Variants in CNTLN observed in about 807,000 individuals in gnomAD.
CNTLN encodes centlein, centrosomal protein.
In CNTLN, 212 loss-of-function variants were observed where a neutral mutation model predicts 180.0. That is an observed-to-expected ratio of 1.18 (90% CI 1.05 to 1.32). CNTLN has a LOEUF of 1.32. Ranked by LOEUF, CNTLN falls within the 40% of genes most tolerant of loss-of-function variation. The pLI, the probability that CNTLN is intolerant of heterozygous loss-of-function variation, is 0.00. For synonymous variants in CNTLN, 722 were observed against 563.1 expected, an observed-to-expected ratio of 1.28 and a Z score of -3.99; for missense variants, 2,095 against 1,610.9, an observed-to-expected ratio of 1.30 and a Z score of -5.14.
In CNTLN at chr9:17,295,995, AGAGTGTGTGTGTGT is replaced by A. The variant is rs1212022056; in HGVS notation, c.984-2193_984-2180del. 6.1e-4 allele frequency among the ~76,000 whole-genome samples: 52 copies of A among 84,972 alleles called. No individual in the cohort carries two copies. The East Asian group carries it at 7.9e-3, about 13-fold the overall frequency. 55.7% of individuals were successfully genotyped at this position (84,972 alleles called of 152,430 possible). A position where few individuals can be genotyped will look rare whatever the true frequency, so the allele number is the denominator to read the frequency against. On this transcript the variant is annotated intron_variant, in intron 6 of 25. Coordinates refer to ENST00000380647, the MANE Select transcript of CNTLN (RefSeq NM_017738.4). The stretch of plus-strand genomic sequence containing the variant: ...GAGAGAGAGAGAGAGAGAGAGAGAG[AGAGTGTGTGTGTGT>A]GTGTGTGTGTGTGTGTGTGTGTGTG...
At chr9:17,520,368 AG>A in the CNTLN span, among the ~76,000 whole-genome samples, 5 of 152,212 alleles carry the variant, frequency 3.3e-5, no homozygotes, top group Admixed American at 1.3e-4. Context: ...GCTGAACAGC[AG>A]GTAGAGGATC....
chr9:17,298,504 T>A, intron 7 of CNTLN, 152 bp downstream of exon 7: 1 of 1,327,788 alleles, frequency 7.5e-7, no homozygotes, highest in Non-Finnish European at 9.7e-7. Context: ...TGGTTCAATT[T>A]GATAACATTT....
chr9:17,155,372 C>CTGGAAT (rs1819202112), intron 2 of CNTLN, among the ~76,000 whole-genome samples: 1 of 152,134 alleles, frequency 6.6e-6, no homozygotes, highest in Non-Finnish European at 1.5e-5. Context: ...CTGGGAGGTC[C>CTGGAAT]GCTGCTCTCT....
chr9:17,187,657 A>G (rs1382707623), intron 2 of CNTLN, among the ~76,000 whole-genome samples: 2 of 151,552 alleles, frequency 1.3e-5, no homozygotes, highest in Non-Finnish European at 3.0e-5. Context: ...TGAAAACTTT[A>G]TTTTTCAATG....
At chr9:17,247,883 G>C (rs1483114606) in intron 5 of CNTLN, among the ~76,000 whole-genome samples, 1 of 145,422 alleles carries the variant, frequency 6.9e-6, no homozygotes, top group Non-Finnish European at 1.5e-5. Flanking sequence ...CCAGGCTAGA[G>C]TGTGGTGGGA....
intron 12 of CNTLN, among the ~76,000 whole-genome samples, chr9:17,354,429 A>G (rs1010797312): frequency 6.6e-6 from 1 of 151,962 alleles, no homozygotes; most frequent in African/African-American, 2.4e-5. Context: ...GAGGACCTTT[A>G]TGTCTAGCTC....
intron 13 of CNTLN, among the ~76,000 whole-genome samples, chr9:17,386,679 C>A (rs1271753102): frequency 6.6e-6 from 1 of 152,200 alleles, no homozygotes; most frequent in Non-Finnish European, 1.5e-5. Context: ...GTTAGCCAAT[C>A]TACCAGTGGA....
chr9:17,522,240 C>A, the CNTLN span, among the ~76,000 whole-genome samples: 1 of 152,150 alleles, frequency 6.6e-6, no homozygotes, highest in African/African-American at 2.4e-5. Context: ...TGTCAGTTGC[C>A]TTCCCTCCAT....
intron 6 of CNTLN, among the ~76,000 whole-genome samples, chr9:17,274,689 A>C (rs2064794747): frequency 4.6e-5 from 7 of 152,124 alleles, no homozygotes; most frequent in Admixed American, 4.6e-4. Context: ...CTAAGTGATA[A>C]ATAAATGATG....
chr9:17,136,321 ACAGTATCAT>A (rs1817713043), intron 1 of CNTLN, among the ~76,000 whole-genome samples: 1 of 152,170 alleles, frequency 6.6e-6, no homozygotes, highest in Non-Finnish European at 1.5e-5. Flanking sequence ...AACTTTGTGA[ACAGTATCAT>A]CAGTTTAATA....
chr9:17,517,097 G>C, the CNTLN span, among the ~76,000 whole-genome samples: 1 of 151,992 alleles, frequency 6.6e-6, no homozygotes, highest in African/African-American at 2.4e-5. Context: ...ATCTCATTTG[G>C]AAATAAGGTC....
At chr9:17,463,627 A>G (rs1831579673) in intron 20 of CNTLN, among the ~76,000 whole-genome samples, 1 of 151,644 alleles carries the variant, frequency 6.6e-6, no homozygotes, top group South Asian at 2.1e-4. Context: ...TTATAAGTGA[A>G]GAGCACTTAA....
At chr9:17,335,688 A>C (rs1317799105) in intron 10 of CNTLN, among the ~76,000 whole-genome samples, 2 of 152,124 alleles carry the variant, frequency 1.3e-5, no homozygotes, top group Non-Finnish European at 2.9e-5. Flanking sequence ...CTGTAATTGT[A>C]GCACTTTGGG....
chr9:17,273,503 C>G (rs907845136), intron 5 of CNTLN, among the ~76,000 whole-genome samples: 4 of 151,816 alleles, frequency 2.6e-5, no homozygotes, highest in Non-Finnish European at 5.9e-5. Context: ...AGTTTATTTG[C>G]TTCAGATTCT....
intron 13 of CNTLN, among the ~76,000 whole-genome samples, chr9:17,376,336 T>C (rs1460783259): frequency 6.6e-6 from 1 of 152,020 alleles, no homozygotes; most frequent in Non-Finnish European, 1.5e-5. Flanking sequence ...ATTCGAGCAG[T>C]AAGAAAGAAA....
At chr9:17,456,922 A>G (rs767871345) in intron 18 of CNTLN, among the ~76,000 whole-genome samples, 34 of 152,164 alleles carry the variant, frequency 2.2e-4, no homozygotes, top group Admixed American at 7.2e-4. Flanking sequence ...TCAAAATGTA[A>G]GGAGTTTAGT....
intron 2 of CNTLN, among the ~76,000 whole-genome samples, chr9:17,222,648 T>C (rs1204129289): frequency 6.6e-6 from 1 of 152,028 alleles, no homozygotes; most frequent in Admixed American, 6.6e-5. Context: ...AAACCTCTTT[T>C]TCTTCCCAGT....
intron 8 of CNTLN, among the ~76,000 whole-genome samples, chr9:17,316,629 T>G (rs969287336): frequency 1.3e-5 from 2 of 152,112 alleles, no homozygotes; most frequent in Non-Finnish European, 2.9e-5. Context: ...GTAAACCATT[T>G]TAAGTCAAGG....
chr9:17,180,273 A>T (rs1587030623), intron 2 of CNTLN, among the ~76,000 whole-genome samples: 1 of 140,510 alleles, frequency 7.1e-6, no homozygotes, highest in East Asian at 2.1e-4. Context: ...AACGCATTTT[A>T]GAATTTCATT....
Sources: gnomAD v4.1 joint callset for allele counts (sites outside exome capture counted in the v4.1 genomes callset) on GRCh38, gnomAD v4.1.1 for gene constraint, MANE v1.5 for transcripts, NCBI Gene and HGNC (gene_info 2026-07-23, HGNC 2026-07-21) for gene names.